The following MEF2C variants were observed in gnomAD, a reference collection of about 807,000 sequenced individuals.
MEF2C encodes the protein myocyte-specific enhancer factor 2C.
In MEF2C, 6 loss-of-function variants were observed where a neutral mutation model predicts 50.5. That is an observed-to-expected ratio of 0.12 (90% CI 0.07 to 0.23). MEF2C has a LOEUF of 0.23. Ranked by LOEUF, MEF2C falls within the 10% of genes least tolerant of loss-of-function variation. The pLI is 1.00. For missense variants in MEF2C, 276 were observed against 605.0 expected (o/e 0.46, Z 5.70); for synonymous variants, 183 against 228.0 (o/e 0.80, Z 1.78).
intron 6 of MEF2C, chr5:88,739,135 A>G: frequency 1.0e-6 from 1 of 985,284 alleles, no homozygotes; most frequent in Non-Finnish European, 1.2e-6. Flanking sequence ...AGTATTTTTT[A>G]GTATCTGCGA....
chr5:88,874,259 A>G (rs374878579), intron 1 of MEF2C, among the ~76,000 whole-genome samples: 12 of 151,968 alleles, frequency 7.9e-5, no homozygotes, highest in African/African-American at 2.9e-4. Flanking sequence ...TATTCCATAC[A>G]TATGTTCAAT....
rs1286080794 is a variant in MEF2C, at chr5:88,729,345, A to G, written c.837T>C (p.Asn279=). The G allele has an allele frequency of 2.5e-6, 4 of 1,599,744 alleles. No individual in the cohort carries two copies. Among genetic ancestry groups the G allele is most frequent in the South Asian group, 2.2e-5 (2 of 89,444 alleles). ...CCGACTGGGAGTTATTTATCCTTTGATTCTTTTAAAATAAATAAAAAGACA... is the reference window on the plus strand; with the variant it reads ...CCGACTGGGAGTTATTTATCCTTTGGTTCTTTTAAAATAAATAAAAAGACA... The part of the protein sequence containing the change: ...SVSEDVDLLL[N]QRINNSQSAQ... The change falls in exon 9 of 11, where the codon AAT becomes AAC. Residue 279 remains asparagine (N), a splice_region_variant and synonymous_variant. Transcript: ENST00000504921.
chr5:88,727,216 T>C (rs1255364994), intron 10 of MEF2C, among the ~76,000 whole-genome samples: 7 of 152,150 alleles, frequency 4.6e-5, no homozygotes. Context: ...CCTAAAAAGA[T>C]AAAACTCTGC....
intron 2 of MEF2C, among the ~76,000 whole-genome samples, chr5:88,818,419 G>T (rs1806590506): frequency 1.3e-5 from 2 of 151,834 alleles, no homozygotes; most frequent in Admixed American, 1.3e-4. Flanking sequence ...AAGAGGGTAA[G>T]ACTGCCTAAC....
chr5:88,740,751 A>G (rs1418830900), intron 6 of MEF2C: 4 of 985,152 alleles, frequency 4.1e-6, no homozygotes, highest in Non-Finnish European at 2.4e-6. Context: ...TAATTGCACC[A>G]TAAAAATGCT....
chr5:88,792,743 T>C (rs1025205771), intron 3 of MEF2C, among the ~76,000 whole-genome samples: 3 of 152,200 alleles, frequency 2.0e-5, no homozygotes, highest in Admixed American at 2.0e-4. Flanking sequence ...TTCATTTAAA[T>C]GTAAATAGTC....
chr5:88,882,060 A>G (rs1373922622), intron 1 of MEF2C, among the ~76,000 whole-genome samples: 1 of 152,240 alleles, frequency 6.6e-6, no homozygotes, highest in Non-Finnish European at 1.5e-5. Flanking sequence ...ATTCAGATAT[A>G]AAATTTCCTT....
At chr5:88,817,638 T>A (rs779740939) in intron 2 of MEF2C, among the ~76,000 whole-genome samples, 1 of 151,994 alleles carries the variant, frequency 6.6e-6, no homozygotes, top group Non-Finnish European at 1.5e-5. Flanking sequence ...TGAAGTTTTG[T>A]TTGCTGGCAA....
At chr5:88,851,013 A>G (rs1380017079) in intron 1 of MEF2C, among the ~76,000 whole-genome samples, 1 of 152,010 alleles carries the variant, frequency 6.6e-6, no homozygotes, top group African/African-American at 2.4e-5. Flanking sequence ...TCCCTAGCCT[A>G]CTTTCTTGTA....
rs1426913388 is a variant in MEF2C, at chr5:88,749,114, C to T, written c.593G>A (p.Gly198Asp). 1 of 1,571,726 alleles carries T rather than the reference C, an allele frequency of 6.4e-7. No individual in the cohort carries two copies. The highest frequency in any genetic ancestry group is 8.6e-7 in the Non-Finnish European group (1 of 1,158,010). Reference sequence around the variant, plus strand: ...AGACGTGAGGTCTCCACCCATCAGACCACCTATGGATTAAAGAGGAAGATC... The same window carrying T: ...AGACGTGAGGTCTCCACCCATCAGATCACCTATGGATTAAAGAGGAAGATC... Reference protein sequence around the residue: ...HRPPSAGNTGGLMGGDLTSGA... With the variant: ...HRPPSAGNTGDLMGGDLTSGA... The change falls in exon 6 of 11, where the codon GGT (glycine) becomes GAT (aspartate). Residue 198 changes from glycine (G) to aspartate (D), a missense_variant. By Grantham distance (94) the Gly-to-Asp change is moderately conservative (BLOSUM62 -1). Transcript: ENST00000504921.
Position 88,720,962 on chromosome 5 carries a change from T to C in MEF2C, c.*1642A>G, listed in dbSNP as rs1756142853. On this transcript the variant is annotated 3_prime_UTR_variant, in exon 11 of 11. Coordinates refer to ENST00000504921, the MANE Select transcript of MEF2C (RefSeq NM_002397.5). ...CAACAGTCCTATATTGCTGACAAGA[T>C]TGTCAAGGGTCAGTTAAAATAATTA... is the stretch of plus-strand genomic sequence containing the variant. 1 of 152,600 alleles carries C rather than the reference T, an allele frequency of 6.6e-6. No individual in the cohort carries two copies. Among genetic ancestry groups the C allele is most frequent in the Admixed American group, 6.5e-5 (1 of 15,272 alleles). 9.5% of individuals were successfully genotyped at this position (152,600 alleles called of 1,614,324 possible).
In MEF2C at chr5:88,718,184, T is replaced by C. The variant is rs528489381; in HGVS notation, c.*4420A>G. The stretch of plus-strand genomic sequence containing the variant: ...CTGCTTTTTAAAAAACACAATAAAA[T>C]TGAATAAATTTAAACAGCAAAACAT... On this transcript the variant is annotated 3_prime_UTR_variant, in exon 11 of 11. Transcript: ENST00000504921. The C allele has an allele frequency of 1.3e-5, 2 of 152,118 alleles. No individual in the cohort carries two copies. The highest frequency in any genetic ancestry group is 2.4e-5 in the African/African-American group (1 of 41,420). The allele number at this position is 152,118 out of a possible 1,614,324, so 9.4% of individuals were successfully genotyped here. A position where few individuals can be genotyped will look rare whatever the true frequency, so the allele number is the denominator to read the frequency against.
chr5:88,816,465 C>CT (rs70996497), intron 2 of MEF2C, among the ~76,000 whole-genome samples: 3,918 of 85,976 alleles, frequency 0.046, 71 homozygotes, highest in Non-Finnish European at 0.058. Flanking sequence ...CTGCCTACTG[C>CT]TTTTTTTTTT....
At chr5:88,795,072 A>G (rs189142988) in intron 3 of MEF2C, among the ~76,000 whole-genome samples, 1 of 152,294 alleles carries the variant, frequency 6.6e-6, no homozygotes, top group African/African-American at 2.4e-5. Flanking sequence ...GAAGTCAGGT[A>G]GCGTGATGCC....
intron 3 of MEF2C, among the ~76,000 whole-genome samples, chr5:88,787,321 T>A (rs1791427412): frequency 6.6e-6 from 1 of 152,224 alleles, no homozygotes; most frequent in African/African-American, 2.4e-5. Flanking sequence ...CTGAACTTTT[T>A]CTCTTGACTT....
Position 88,752,898 on chromosome 5 carries a change from C to T in MEF2C, c.403-855G>A, listed in dbSNP as rs552707685. 6.5e-5 allele frequency: 21 copies of T among 323,302 alleles called. No individual in the cohort carries two copies. In the East Asian group the frequency reaches 1.5e-3, roughly 23 times the overall value. The allele number at this position is 323,302 out of a possible 1,614,324, so 20.0% of individuals were successfully genotyped here. A position where few individuals can be genotyped will look rare whatever the true frequency, so the allele number is the denominator to read the frequency against. ...TGTAGCTACTTTTTTTTAAGCATTA[C>T]GAGTAAAAATACTCTTTGAATATAA... On this transcript the variant is annotated intron_variant, in intron 4 of 10. Coordinates refer to ENST00000504921, the MANE Select transcript of MEF2C (RefSeq NM_002397.5).
At chr5:88,743,611 A>G (rs1356950028) in intron 6 of MEF2C, 1 of 982,204 alleles carries the variant, frequency 1.0e-6, no homozygotes, top group Non-Finnish European at 1.2e-6. Context: ...TTTGTTTCTT[A>G]TCTCCAATCT....
At chr5:88,820,813 G>A (rs1325517141) in intron 2 of MEF2C, among the ~76,000 whole-genome samples, 1 of 151,970 alleles carries the variant, frequency 6.6e-6, no homozygotes, top group Non-Finnish European at 1.5e-5. Flanking sequence ...TTTATTAGAA[G>A]TGACCTACAT....
rs766109932 is a variant in MEF2C, at chr5:88,818,910, A to G, written c.54+4825T>C. On this transcript the variant is annotated intron_variant, in intron 2 of 10. Coordinates refer to ENST00000504921, the MANE Select transcript of MEF2C (RefSeq NM_002397.5). Reference sequence around the variant, plus strand: ...AACTATAATAGCTAATGGTTCAAAGAGCCTGAGTCTTAATAGGAATAGCTA... The same window carrying G: ...AACTATAATAGCTAATGGTTCAAAGGGCCTGAGTCTTAATAGGAATAGCTA... Among the ~76,000 whole-genome samples, 45 of 152,074 alleles carry G rather than the reference A, an allele frequency of 3.0e-4. 1 individual carries two copies. Among genetic ancestry groups the G allele is most frequent in the Non-Finnish European group, 6.0e-4 (41 of 67,980 alleles).
Sources: allele counts gnomAD v4.1 joint callset (sites outside exome capture counted in the v4.1 genomes callset), GRCh38; gene constraint gnomAD v4.1.1; transcripts MANE v1.5; gene names NCBI Gene and HGNC (gene_info 2026-07-23, HGNC 2026-07-21).